Variants in NMD3 observed in about 807,000 individuals in gnomAD.
The protein encoded by NMD3 is 60S ribosomal export protein NMD3.
NMD3 carries 47 observed loss-of-function variants against 73.1 expected under a neutral mutation model. The ratio of observed to expected loss-of-function variants is 0.64; its 90% CI spans 0.51 to 0.82. NMD3 has a LOEUF of 0.82. Among genes scored for constraint, NMD3 ranks in the 40% least tolerant of loss-of-function variants. The pLI is 0.00. For synonymous variants in NMD3, 210 were observed against 194.5 expected (o/e 1.08, Z -0.66); for missense variants, 554 against 612.5 (o/e 0.90, Z 1.01).
At chr3:161,233,789 A>C (rs1026122945) in intron 5 of NMD3, among the ~76,000 whole-genome samples, 1 of 152,172 alleles carries the variant, frequency 6.6e-6, no homozygotes, top group African/African-American at 2.4e-5. Flanking sequence ...CTGAAGCAAA[A>C]ATTCTCTGTA....
chr3:161,225,116 G>GGC, intron 3 of NMD3, 52 bp downstream of exon 3: 2 of 1,498,144 alleles, frequency 1.3e-6, no homozygotes, highest in Non-Finnish European at 1.8e-6. Context: ...TACATTTAGA[G>GGC]AACCACCGAG....
At chr3:161,227,794 A>G (rs1344803339) in intron 4 of NMD3, among the ~76,000 whole-genome samples, 1 of 152,150 alleles carries the variant, frequency 6.6e-6, no homozygotes, top group Non-Finnish European at 1.5e-5. Flanking sequence ...GCACCCCACT[A>G]CAAACACTTT....
At chr3:161,222,146 T>A in intron 2 of NMD3, 89 bp downstream of exon 2, 2 of 1,024,342 alleles carry the variant, frequency 2.0e-6, no homozygotes, top group Non-Finnish European at 3.1e-6. Flanking sequence ...TGAGGGTGGG[T>A]GGGAAAGAGC....
At chr3:161,230,545 T>TG (rs1485329156) in intron 4 of NMD3, among the ~76,000 whole-genome samples, 2 of 152,118 alleles carry the variant, frequency 1.3e-5, no homozygotes, top group Non-Finnish European at 2.9e-5. Context: ...AATAATTGGC[T>TG]GGGGGGTGGC....
At chr3:161,240,972 G>A (rs1028085394) in intron 9 of NMD3, 74 bp from the exon 10 acceptor site, 8 of 798,368 alleles carry the variant, frequency 1.0e-5, no homozygotes, top group Non-Finnish European at 1.7e-5. Context: ...ATTGGATTGG[G>A]TGTTTATTGA....
chr3:161,225,911 C>T (rs913156486), intron 3 of NMD3, among the ~76,000 whole-genome samples: 3 of 151,794 alleles, frequency 2.0e-5, no homozygotes, highest in African/African-American at 4.8e-5. Context: ...AAACTGTGTA[C>T]TGTTTCAGGG....
intron 11 of NMD3, among the ~76,000 whole-genome samples, chr3:161,245,111 G>T (rs761838010): frequency 2.0e-4 from 30 of 151,310 alleles, no homozygotes; most frequent in Non-Finnish European, 3.5e-4. Context: ...CTTTTACTGT[G>T]AAATAGTATC....
intron 3 of NMD3, among the ~76,000 whole-genome samples, chr3:161,226,980 T>C (rs1736343532): frequency 6.6e-6 from 1 of 152,192 alleles, no homozygotes; most frequent in African/African-American, 2.4e-5. Flanking sequence ...GACATTTTAG[T>C]GGTGATTTGG....
Position 161,242,665 on chromosome 3 carries a change from C to T in NMD3, c.1017+12C>T. 1.2e-6 allele frequency: 2 copies of T among 1,601,332 alleles called. No individual in the cohort carries two copies. Among genetic ancestry groups the T allele is most frequent in the Non-Finnish European group, 1.7e-6 (2 of 1,173,624 alleles). Reference sequence around the variant, plus strand: ...TGATATCAAAAAAGGTAAGCTACATCCTGCCTGCCAGTGTATTTTTTTTTC... The same window carrying T: ...TGATATCAAAAAAGGTAAGCTACATTCTGCCTGCCAGTGTATTTTTTTTTC... On this transcript the variant is annotated intron_variant, in intron 11 of 15. Transcript: ENST00000351193.
chr3:161,248,176 C>A (rs1300037284), intron 13 of NMD3, among the ~76,000 whole-genome samples: 1 of 152,052 alleles, frequency 6.6e-6, no homozygotes, highest in East Asian at 1.9e-4. Flanking sequence ...GATCAAAATA[C>A]CTGATATTAT....
chr3:161,221,186 C>A (rs1407878511), upstream of NMD3: 3 of 152,220 alleles, frequency 2.0e-5, no homozygotes, highest in East Asian at 5.8e-4. Flanking sequence ...CGAGCTTTCC[C>A]AGCCACCAGG....
At chr3:161,242,391 A>G in intron 10 of NMD3, 117 bp from the exon 11 acceptor site, 1 of 838,922 alleles carries the variant, frequency 1.2e-6, no homozygotes, top group Non-Finnish European at 1.9e-6. Context: ...AGTTGACACT[A>G]GTTCTGTTGA....
chr3:161,236,519 TCA>T (rs2108087372), intron 7 of NMD3, among the ~76,000 whole-genome samples: 1 of 152,268 alleles, frequency 6.6e-6, no homozygotes, highest in Admixed American at 6.5e-5. Context: ...AGGAGAAAAT[TCA>T]CACTCTATAT....
chr3:161,241,698 C>T (rs1736994323), intron 10 of NMD3, among the ~76,000 whole-genome samples: 1 of 152,064 alleles, frequency 6.6e-6, no homozygotes, highest in African/African-American at 2.4e-5. Context: ...GGATTACAAG[C>T]GTGAGCCACC....
At chr3:161,222,121 A>C in intron 2 of NMD3, 64 bp downstream of exon 2, 17 of 1,298,006 alleles carry the variant, frequency 1.3e-5, no homozygotes, top group Non-Finnish European at 1.8e-5. Context: ...CGGGAAACTC[A>C]CTATGGAGAA....
chr3:161,225,621 G>A (rs868601889), intron 3 of NMD3, among the ~76,000 whole-genome samples: 3 of 152,074 alleles, frequency 2.0e-5, no homozygotes, highest in South Asian at 2.1e-4. Context: ...GATTTTCTTT[G>A]TCAGCATAAA....
intron 4 of NMD3, 22 bp from the exon 5 acceptor site, chr3:161,233,377 T>C: frequency 6.3e-7 from 1 of 1,579,920 alleles, no homozygotes. Flanking sequence ...TTACGTTTCT[T>C]TTTGTTTGTG....
intron 11 of NMD3, among the ~76,000 whole-genome samples, chr3:161,243,913 A>C (rs940921072): frequency 6.6e-6 from 1 of 152,084 alleles, no homozygotes; most frequent in African/African-American, 2.4e-5. Context: ...TAATACTATA[A>C]TAATATGCAA....
rs1050182166 is a variant in NMD3 at position 161,251,533 on chromosome 3, A to T, written c.*623A>T. 1.8e-4 allele frequency: 27 copies of T among 152,268 alleles called. No homozygotes were observed. The highest frequency in any genetic ancestry group is 6.0e-4 in the African/African-American group (25 of 41,560). 9.4% of individuals were successfully genotyped at this position (152,268 alleles called of 1,614,324 possible). A position where few individuals can be genotyped will look rare whatever the true frequency, so the allele number is the denominator to read the frequency against. ...ATTGCAGTAGGAGGAAATATATTTAAAATATTTGTAGATTTATAGCAAATA... is the reference window on the plus strand; with the variant it reads ...ATTGCAGTAGGAGGAAATATATTTATAATATTTGTAGATTTATAGCAAATA... On this transcript the variant is annotated 3_prime_UTR_variant, in exon 16 of 16. Transcript: ENST00000351193.
Sources: gnomAD v4.1 joint callset for allele counts (sites outside exome capture counted in the v4.1 genomes callset) on GRCh38, gnomAD v4.1.1 for gene constraint, MANE v1.5 for transcripts, NCBI Gene and HGNC (gene_info 2026-07-23, HGNC 2026-07-21) for gene names.